The following RABL3 variants were observed in gnomAD, a reference collection of about 807,000 sequenced individuals.
RABL3 encodes rab-like protein 3.
RABL3 carries 31 observed loss-of-function variants against 31.8 expected under a neutral mutation model. The observed-to-expected ratio is 0.97, with a 90% CI of 0.73 to 1.31. RABL3 has a LOEUF of 1.31. RABL3 is among the 40% of genes most tolerant of loss of function. The probability of loss-of-function intolerance (pLI) is 0.00; values close to 1 mark genes in which losing one functional copy is unlikely to be tolerated. For missense variants in RABL3, 263 were observed against 279.6 expected (o/e 0.94, Z 0.42); for synonymous variants, 97 against 99.9 (o/e 0.97, Z 0.18).
rs553154893 is a variant in RABL3, at chr3:120,685,670, C to T, written c.*4153G>A. 8.9e-4 allele frequency among the ~76,000 whole-genome samples: 136 copies of T among 152,246 alleles called. 1 individual carries two copies. Among genetic ancestry groups the T allele is most frequent in the African/African-American group, 3.1e-3 (127 of 41,546 alleles). ...GTGGATCAGTTCATTAAGGTGAGATCAGGTTGAGGCAGTCAAAGATGCGCT... is the reference window on the plus strand; with the variant it reads ...GTGGATCAGTTCATTAAGGTGAGATTAGGTTGAGGCAGTCAAAGATGCGCT... On this transcript the variant is annotated 3_prime_UTR_variant, in exon 8 of 8. Transcript: ENST00000273375.
At chr3:120,725,973 T>C (rs1576344660) in intron 2 of RABL3, among the ~76,000 whole-genome samples, 1 of 152,114 alleles carries the variant, frequency 6.6e-6, no homozygotes, top group African/African-American at 2.4e-5. Context: ...AAAAACTAAA[T>C]TAAAAAAATT....
At chr3:120,721,958 C>G (rs1401799814) in intron 2 of RABL3, 8 of 152,162 alleles carry the variant, frequency 5.3e-5, no homozygotes, top group Non-Finnish European at 5.9e-5. Context: ...TGTAAAAGAA[C>G]AGAAATTATA....
At chr3:120,734,700 T>C (rs538416662) in intron 1 of RABL3, among the ~76,000 whole-genome samples, 21 of 152,316 alleles carry the variant, frequency 1.4e-4, no homozygotes, top group Non-Finnish European at 2.5e-4. Context: ...TAGCTCTTAT[T>C]ATTTTGAGAT....
chr3:120,736,456 C>T (rs1368373614), intron 1 of RABL3, among the ~76,000 whole-genome samples: 3 of 152,146 alleles, frequency 2.0e-5, no homozygotes, highest in Non-Finnish European at 4.4e-5. Flanking sequence ...TGAGCTGGGT[C>T]TCCTGAATAC....
At chr3:120,717,298 G>C (rs965510199) in intron 2 of RABL3, among the ~76,000 whole-genome samples, 15 of 144,754 alleles carry the variant, frequency 1.0e-4, no homozygotes, top group African/African-American at 3.3e-4. Flanking sequence ...AAAAAAACAA[G>C]ACAGAAGTCA....
chr3:120,742,374 C>G (rs1576352935), intron 1 of RABL3, 88 bp downstream of exon 1: 4 of 1,262,430 alleles, frequency 3.2e-6, no homozygotes, highest in Non-Finnish European at 4.6e-6. Context: ...GGCCGAGGAG[C>G]CAGGAAGTTG....
rs1709010986 is a variant in RABL3 at position 120,739,189 on chromosome 3, C to A, written c.46+3273G>T. Among the ~76,000 whole-genome samples, 5 of 152,098 alleles carry A rather than the reference C, an allele frequency of 3.3e-5. No individual in the cohort carries two copies. In the South Asian group the frequency reaches 1.0e-3, roughly 31 times the overall value. ...GTCAGGAGTTCGAGACCAGCCTGGC[C>A]AAAATGGTGAAACCCTGTCTCTACT... On this transcript the variant is annotated intron_variant, in intron 1 of 7. Transcript: ENST00000273375.
intron 2 of RABL3, among the ~76,000 whole-genome samples, chr3:120,717,105 AT>A (rs1559817858): frequency 6.6e-6 from 1 of 151,938 alleles, no homozygotes; most frequent in East Asian, 1.9e-4. Context: ...ATACAAAAAA[AT>A]TTAGCCAGGC....
intron 2 of RABL3, among the ~76,000 whole-genome samples, chr3:120,715,553 T>TA (rs1202170381): frequency 6.6e-6 from 1 of 151,722 alleles, no homozygotes; most frequent in African/African-American, 2.4e-5. Context: ...ATAATAATAA[T>TA]AATAAATAAA....
intron 2 of RABL3, among the ~76,000 whole-genome samples, chr3:120,714,319 T>C (rs1164884594): frequency 6.6e-6 from 1 of 152,144 alleles, no homozygotes; most frequent in Non-Finnish European, 1.5e-5. Flanking sequence ...TAGGAGAATA[T>C]ACCACAGGAG....
At chr3:120,737,064 G>C (rs1230134963) in intron 1 of RABL3, among the ~76,000 whole-genome samples, 2 of 152,156 alleles carry the variant, frequency 1.3e-5, no homozygotes, top group Admixed American at 6.5e-5. Context: ...GAATTTGAAT[G>C]TTGGCCTGCC....
In RABL3 at chr3:120,688,239, T is replaced by C. The variant is rs1200497642; in HGVS notation, c.*1584A>G. On this transcript the variant is annotated 3_prime_UTR_variant, in exon 8 of 8. Coordinates refer to ENST00000273375, the MANE Select transcript of RABL3 (RefSeq NM_173825.5). The stretch of plus-strand genomic sequence containing the variant: ...AATTGGGTTAGGTCTCTGGGTAGCA[T>C]TTGGTTTCTACTTCCCAACTGTACA... 2 of 152,608 alleles carry C rather than the reference T, an allele frequency of 1.3e-5. 1 individual carries two copies. The highest frequency in any genetic ancestry group is 1.3e-4 in the Admixed American group (2 of 15,272). 9.5% of individuals were successfully genotyped at this position (152,608 alleles called of 1,614,324 possible).
chr3:120,707,699 G>A (rs934825065), intron 3 of RABL3, among the ~76,000 whole-genome samples: 5 of 152,076 alleles, frequency 3.3e-5, no homozygotes, highest in Non-Finnish European at 5.9e-5. Flanking sequence ...AACTATGGGT[G>A]AGAATTTTGG....
chr3:120,732,924 G>A (rs1012129557), intron 1 of RABL3, among the ~76,000 whole-genome samples: 1 of 152,104 alleles, frequency 6.6e-6, no homozygotes, highest in African/African-American at 2.4e-5. Flanking sequence ...AGTATTCCAT[G>A]GTGTATATGT....
chr3:120,735,980 G>C (rs13081424), intron 1 of RABL3, among the ~76,000 whole-genome samples: 6 of 152,152 alleles, frequency 3.9e-5, no homozygotes, highest in Non-Finnish European at 7.4e-5. Context: ...GGTCAGTTTT[G>C]CAATAAGTGT....
At chr3:120,711,575 T>C (rs1475631255) in intron 2 of RABL3, among the ~76,000 whole-genome samples, 1 of 152,110 alleles carries the variant, frequency 6.6e-6, no homozygotes, top group Non-Finnish European at 1.5e-5. Context: ...AACCCTCCAA[T>C]GACTTTCTCA....
intron 1 of RABL3, among the ~76,000 whole-genome samples, chr3:120,737,573 C>T (rs553489476): frequency 2.0e-4 from 30 of 152,230 alleles, no homozygotes; most frequent in Non-Finnish European, 2.9e-4. Flanking sequence ...CGAGGAGCTG[C>T]GTTTCTTTGC....
In RABL3 at chr3:120,690,471, T is replaced by C. The variant is rs1226479288; in HGVS notation, c.623A>G (p.Tyr208Cys). Residue 208 changes from tyrosine to cysteine, a missense_variant, in exon 7 of 8, where the codon TAC becomes TGC. Transcript: ENST00000273375. ...AACCTGATTACCTTCTCTTAAAAAG[T>C]ATCTCTTCTCTATGACCTGTGAAAA... ...RFFDKVIEKR[Y>C]FLREGNQIPG... 1.2e-6 allele frequency: 2 copies of C among 1,601,514 alleles called. No homozygotes were observed. Among genetic ancestry groups the C allele is most frequent in the Admixed American group, 1.7e-5 (1 of 59,882 alleles).
rs536747795 is a variant in RABL3 at position 120,715,339 on chromosome 3, G to C, written c.139-5430C>G. The stretch of plus-strand genomic sequence containing the variant: ...AGATCACTTGAGGCCAGGAGTTTGA[G>C]ACCAGCCTGGCCAACATGGCGAAAC... On this transcript the variant is annotated intron_variant, in intron 2 of 7. Coordinates refer to ENST00000273375, the MANE Select transcript of RABL3 (RefSeq NM_173825.5). Among the ~76,000 whole-genome samples the C allele has an allele frequency of 2.6e-5, 4 of 152,254 alleles. No homozygotes were observed. The East Asian group carries it at 7.7e-4, about 29-fold the overall frequency.
Sources: allele counts gnomAD v4.1 joint callset (sites outside exome capture counted in the v4.1 genomes callset), GRCh38; gene constraint gnomAD v4.1.1; transcripts MANE v1.5; gene names NCBI Gene and HGNC (gene_info 2026-07-23, HGNC 2026-07-21).